The following PDK1 variants were observed in gnomAD, a reference collection of about 807,000 sequenced individuals.
PDK1 encodes [Pyruvate dehydrogenase (acetyl-transferring)] kinase isozyme 1, mitochondrial.
In PDK1, 39 loss-of-function variants were observed where a neutral mutation model predicts 54.2. The observed-to-expected ratio is 0.72, with a 90% CI of 0.56 to 0.94. The LOEUF is 0.94. Ranked by LOEUF, PDK1 falls within the 40% of genes least tolerant of loss-of-function variation. The probability of loss-of-function intolerance (pLI) is 0.00; values close to 1 mark genes in which losing one functional copy is unlikely to be tolerated. For missense variants in PDK1, 552 were observed against 566.0 expected (o/e 0.98, Z 0.25); for synonymous variants, 221 against 207.1 (o/e 1.07, Z -0.58).
chr2:172,609,418 A>C (rs1055498730), downstream of PDK1, among the ~76,000 whole-genome samples: 2 of 152,262 alleles, frequency 1.3e-5, no homozygotes, highest in African/African-American at 4.8e-5. Flanking sequence ...TTTACTTACT[A>C]TAAAGAAAAT....
chr2:172,574,307 A>G (rs1689460910), intron 8 of PDK1, among the ~76,000 whole-genome samples: 1 of 152,212 alleles, frequency 6.6e-6, no homozygotes, highest in Non-Finnish European at 1.5e-5. Context: ...TCGTTATGCA[A>G]GTACTTAATG....
Position 172,600,014 on chromosome 2 carries a change from T to C in PDK1, c.*4045T>C, listed in dbSNP as rs953472246. 10 of 152,242 alleles carry C rather than the reference T, an allele frequency of 6.6e-5. No homozygotes were observed. The highest frequency in any genetic ancestry group is 2.4e-4 in the African/African-American group (10 of 41,474). The allele number at this position is 152,242 out of a possible 1,614,324, so 9.4% of individuals were successfully genotyped here. On this transcript the variant is annotated 3_prime_UTR_variant, in exon 11 of 11. Transcript: ENST00000282077. ...GTTATTTTTTGAGAGTGGAAGTACA[T>C]TTCCTGCATTTGTCACAGATAATAT...
chr2:172,656,307 T>C, the PDK1 span, among the ~76,000 whole-genome samples: 1 of 152,166 alleles, frequency 6.6e-6, no homozygotes, highest in African/African-American at 2.4e-5. Flanking sequence ...TGTAAACCCT[T>C]GTTATCTTAT....
At chr2:172,687,642 A>C in the PDK1 span, among the ~76,000 whole-genome samples, 1 of 152,152 alleles carries the variant, frequency 6.6e-6, no homozygotes, top group Non-Finnish European at 1.5e-5. Flanking sequence ...CCAAACCTTC[A>C]TTCCGAGGGG....
chr2:172,695,704 T>G, the PDK1 span, among the ~76,000 whole-genome samples: 1 of 152,100 alleles, frequency 6.6e-6, no homozygotes, highest in African/African-American at 2.4e-5. Flanking sequence ...GCTTGATGAA[T>G]TGCTTATGTT....
the PDK1 span, among the ~76,000 whole-genome samples, chr2:172,643,500 C>T: frequency 6.6e-6 from 1 of 152,164 alleles, no homozygotes; most frequent in East Asian, 1.9e-4. Flanking sequence ...AGCCCCTGGG[C>T]CCTGGAATCT....
chr2:172,624,098 C>A, the PDK1 span, among the ~76,000 whole-genome samples: 27 of 152,288 alleles, frequency 1.8e-4, no homozygotes, highest in African/African-American at 6.0e-4. Context: ...CTCTGGGGTG[C>A]GTCTCAGGCT....
At chr2:172,613,530 C>G (rs943253797), downstream of PDK1, among the ~76,000 whole-genome samples, 2 of 152,036 alleles carry the variant, frequency 1.3e-5, no homozygotes, top group African/African-American at 2.4e-5. Context: ...TGATGGCTCA[C>G]TGCAGCGTCA....
chr2:172,591,397 G>A (rs920988509), intron 9 of PDK1, among the ~76,000 whole-genome samples: 1 of 152,178 alleles, frequency 6.6e-6, no homozygotes, highest in Non-Finnish European at 1.5e-5. Flanking sequence ...TCCTAAGAAG[G>A]TGCAGAGTCC....
At chr2:172,721,195 C>G in the PDK1 span, among the ~76,000 whole-genome samples, 1 of 152,226 alleles carries the variant, frequency 6.6e-6, no homozygotes. Context: ...TTCAAGCTAC[C>G]TAGTTGCCCT....
chr2:172,717,275 C>G, the PDK1 span, among the ~76,000 whole-genome samples: 1 of 152,172 alleles, frequency 6.6e-6, no homozygotes, highest in East Asian at 1.9e-4. Flanking sequence ...CCTCAAGCTC[C>G]AGATGGATCT....
chr2:172,663,973 T>TG, the PDK1 span, among the ~76,000 whole-genome samples: 1 of 151,200 alleles, frequency 6.6e-6, no homozygotes, highest in Non-Finnish European at 1.5e-5. Context: ...TGTGGCTTTT[T>TG]TTTTTTTTTA....
chr2:172,686,131 A>C, the PDK1 span, among the ~76,000 whole-genome samples: 20 of 152,204 alleles, frequency 1.3e-4, no homozygotes, highest in Non-Finnish European at 2.9e-5. Flanking sequence ...AAAATATCAT[A>C]AAAAAGGAAT....
At chr2:172,595,031 T>C (rs1455804081) in intron 10 of PDK1, among the ~76,000 whole-genome samples, 1 of 152,150 alleles carries the variant, frequency 6.6e-6, no homozygotes, top group Non-Finnish European at 1.5e-5. Context: ...GCCTTAGACA[T>C]AGATTTCTAT....
At chr2:172,590,485 G>A (rs772275047) in intron 9 of PDK1, among the ~76,000 whole-genome samples, 95 of 152,082 alleles carry the variant, frequency 6.2e-4, no homozygotes, top group African/African-American at 1.5e-3. Flanking sequence ...ACAGACCTTC[G>A]CAGTGAGTGT....
intron 7 of PDK1, among the ~76,000 whole-genome samples, chr2:172,570,124 A>G (rs1558935145): frequency 6.6e-6 from 1 of 152,162 alleles, no homozygotes; most frequent in East Asian, 1.9e-4. Context: ...TTTTAGTTAC[A>G]TCTAGTTTAT....
chr2:172,693,557 G>A, the PDK1 span, among the ~76,000 whole-genome samples: 1 of 152,112 alleles, frequency 6.6e-6, no homozygotes. Context: ...ATGAGTGTTT[G>A]ATTTTTTTTG....
At chr2:172,700,203 C>T in the PDK1 span, among the ~76,000 whole-genome samples, 1 of 152,188 alleles carries the variant, frequency 6.6e-6, no homozygotes, top group African/African-American at 2.4e-5. Context: ...CTTTTCCCCA[C>T]ACTTCCCCCC....
intron 3 of PDK1, among the ~76,000 whole-genome samples, chr2:172,563,807 C>T (rs1688785425): frequency 6.6e-6 from 1 of 150,882 alleles, no homozygotes; most frequent in Admixed American, 6.6e-5. Flanking sequence ...GCTCTCCAGC[C>T]TGGGCAACAA....
Sources: allele counts gnomAD v4.1 joint callset (sites outside exome capture counted in the v4.1 genomes callset), GRCh38; gene constraint gnomAD v4.1.1; transcripts MANE v1.5; gene names NCBI Gene and HGNC (gene_info 2026-07-23, HGNC 2026-07-21).